Variants in GRM4 observed in about 807,000 individuals in gnomAD.
GRM4 encodes the protein metabotropic glutamate receptor 4.
Under a neutral mutation model 81.7 loss-of-function variants are expected in GRM4, and 28 were observed. The observed-to-expected ratio is 0.34, with a 90% CI of 0.25 to 0.47. The LOEUF is 0.47. GRM4 is among the 20% of genes least tolerant of loss of function. The pLI is 1.00. For synonymous variants in GRM4, 488 were observed against 528.8 expected (o/e 0.92, Z 1.06); for missense variants, 948 against 1,290.0 (o/e 0.73, Z 4.06).
upstream of GRM4, among the ~76,000 whole-genome samples, chr6:34,149,166 G>C (rs1473886125): frequency 6.6e-6 from 1 of 152,144 alleles, no homozygotes; most frequent in African/African-American, 2.4e-5. Flanking sequence ...AATCCTAATA[G>C]AGGAGGACAA....
At chr6:34,033,635 A>C (rs1336277965) in intron 9 of GRM4, among the ~76,000 whole-genome samples, 1 of 152,120 alleles carries the variant, frequency 6.6e-6, no homozygotes, top group Non-Finnish European at 1.5e-5. Context: ...GGGAGCTCAG[A>C]CTGGCGCTCA....
intron 1 of GRM4, among the ~76,000 whole-genome samples, chr6:34,144,020 G>A (rs559077699): frequency 1.8e-4 from 27 of 152,354 alleles, no homozygotes; most frequent in Middle Eastern, 3.4e-3. Context: ...GTCGGTGTCC[G>A]GAAAGGCCGC....
At chr6:34,031,998 CA>C in intron 9 of GRM4, among the ~76,000 whole-genome samples, 1 of 152,086 alleles carries the variant, frequency 6.6e-6, no homozygotes, top group African/African-American at 2.4e-5. Flanking sequence ...CACACACACA[CA>C]CCTCTTCACA....
At chr6:34,122,096 A>G (rs1164014894) in intron 2 of GRM4, among the ~76,000 whole-genome samples, 1 of 152,100 alleles carries the variant, frequency 6.6e-6, no homozygotes, top group East Asian at 1.9e-4. Context: ...TGTGTCCCAC[A>G]GGGAACAGGT....
intron 6 of GRM4, among the ~76,000 whole-genome samples, chr6:34,043,014 C>T (rs1049223579): frequency 6.6e-6 from 1 of 152,118 alleles, no homozygotes; most frequent in African/African-American, 2.4e-5. Context: ...AACCATAGAA[C>T]CACAACACTA....
intron 5 of GRM4, among the ~76,000 whole-genome samples, chr6:34,057,360 C>A (rs934121934): frequency 2.6e-5 from 4 of 152,182 alleles, no homozygotes; most frequent in Admixed American, 2.0e-4. Flanking sequence ...GAAAGCTCAG[C>A]GGGGCCACGT....
chr6:34,107,111 G>T (rs942012389), intron 2 of GRM4, among the ~76,000 whole-genome samples: 1 of 152,192 alleles, frequency 6.6e-6, no homozygotes, highest in Non-Finnish European at 1.5e-5. Flanking sequence ...GGCTGCAGGG[G>T]GTATCTCCGA....
At chr6:34,144,698 CG>C (rs1032274820) in intron 1 of GRM4, among the ~76,000 whole-genome samples, 4 of 152,168 alleles carry the variant, frequency 2.6e-5, no homozygotes, top group African/African-American at 7.2e-5. Context: ...AATAATGCCC[CG>C]CGCCCCCGCC....
In GRM4 at chr6:34,090,359, G is replaced by C. The variant is rs1321163358; in HGVS notation, c.736+1524C>G. ...AGAGTTGAAGCCACAGAGGAGGAAAGGAGCCAGCAGAGCAGAGTGGGAGGT... is the reference window on the plus strand; with the variant it reads ...AGAGTTGAAGCCACAGAGGAGGAAACGAGCCAGCAGAGCAGAGTGGGAGGT... On this transcript the variant is annotated intron_variant, in intron 3 of 10. Coordinates refer to ENST00000538487, the MANE Select transcript of GRM4 (RefSeq NM_000841.4). This position sits in a 1 kb window ranked among gnomAD's most constrained non-coding sequence, Gnocchi z 5.2. Among the ~76,000 whole-genome samples, 1 of 152,194 alleles carries C rather than the reference G, an allele frequency of 6.6e-6. No individual in the cohort carries two copies. Among genetic ancestry groups the C allele is most frequent in the Non-Finnish European group, 1.5e-5 (1 of 68,022 alleles).
chr6:34,153,302 G>T (rs1006114592), intron 1 of GRM4, among the ~76,000 whole-genome samples: 1 of 152,212 alleles, frequency 6.6e-6, no homozygotes, highest in South Asian at 2.1e-4. Flanking sequence ...GCTGCACAGA[G>T]ATTTCATGCC....
intron 3 of GRM4, among the ~76,000 whole-genome samples, chr6:34,066,489 C>CAT (rs1472184660): frequency 6.6e-6 from 1 of 151,994 alleles, no homozygotes; most frequent in Non-Finnish European, 1.5e-5. Context: ...TATGAAGATG[C>CAT]ATATATATGT....
intron 1 of GRM4, among the ~76,000 whole-genome samples, chr6:34,142,393 G>C (rs1770729099): frequency 6.6e-6 from 1 of 152,236 alleles, no homozygotes; most frequent in African/African-American, 2.4e-5. Context: ...GAGCAGAGGA[G>C]GACAGTGGGG....
intron 2 of GRM4, among the ~76,000 whole-genome samples, chr6:34,108,566 C>T (rs996926311): frequency 6.6e-5 from 10 of 152,204 alleles, no homozygotes; most frequent in African/African-American, 2.2e-4. Context: ...CTGGCTCTGT[C>T]GTGGCTGCCT....
intron 3 of GRM4, among the ~76,000 whole-genome samples, chr6:34,081,087 A>T (rs1409877033): frequency 6.6e-6 from 1 of 152,152 alleles, no homozygotes; most frequent in African/African-American, 2.4e-5. Flanking sequence ...GATGAAGGGA[A>T]CCAAATTCTC....
Position 34,068,982 on chromosome 6 carries a change from C to A in GRM4, c.737-6954G>T, listed in dbSNP as rs929444937. ...AGAGGAAAATAATGAAAAGACAAACCCTAGGAATTCAAGTGGAAAAATCTA... is the reference window on the plus strand; with the variant it reads ...AGAGGAAAATAATGAAAAGACAAACACTAGGAATTCAAGTGGAAAAATCTA... On this transcript the variant is annotated intron_variant, in intron 3 of 10. Coordinates refer to ENST00000538487, the MANE Select transcript of GRM4 (RefSeq NM_000841.4). The surrounding 1 kb of genome is among the most constrained non-coding windows in gnomAD (Gnocchi z 4.2). 6.6e-6 allele frequency among the ~76,000 whole-genome samples: 1 copy of A among 151,790 alleles called. No homozygotes were observed. The highest frequency in any genetic ancestry group is 2.4e-5 in the African/African-American group (1 of 41,318).
intron 2 of GRM4, among the ~76,000 whole-genome samples, chr6:34,096,619 C>T (rs1442557464): frequency 1.3e-5 from 2 of 152,248 alleles, no homozygotes; most frequent in Admixed American, 1.3e-4. Flanking sequence ...GAGACATCAG[C>T]AGAGACAGCA....
At chr6:34,072,271 C>T (rs1224343062) in intron 3 of GRM4, among the ~76,000 whole-genome samples, 3 of 117,854 alleles carry the variant, frequency 2.5e-5, no homozygotes, top group Non-Finnish European at 5.4e-5. Context: ...CACAGACACA[C>T]GATCACCACA....
Position 34,028,271 on chromosome 6 carries a change from G to A in GRM4, c.2538C>T (p.Leu846=). Residue 846 remains leucine, a synonymous_variant, in exon 10 of 11, where the codon CTC becomes CTT. Coordinates refer to ENST00000538487, the MANE Select transcript of GRM4 (RefSeq NM_000841.4). ...MLYMPKVYII[L]FHPEQNVPKR... ...TGGGCACGTTCTGCTCCGGGTGGAA[G>A]AGGATGATGTAGACTTTGGGCATGT... 1.2e-6 allele frequency: 2 copies of A among 1,614,102 alleles called. No homozygotes were observed. The highest frequency in any genetic ancestry group is 4.5e-5 in the East Asian group (2 of 44,892).
At chr6:34,129,345 T>C (rs1770149154) in intron 2 of GRM4, among the ~76,000 whole-genome samples, 1 of 152,174 alleles carries the variant, frequency 6.6e-6, no homozygotes. Context: ...ATTCACAGTA[T>C]GGTGTAAATA....
Sources: allele counts gnomAD v4.1 joint callset (sites outside exome capture counted in the v4.1 genomes callset), GRCh38; gene constraint gnomAD v4.1.1; non-coding constraint Gnocchi (gnomAD v3.1); transcripts MANE v1.5; gene names NCBI Gene and HGNC (gene_info 2026-07-23, HGNC 2026-07-21).